The following G6PC1 variants were observed in gnomAD, a reference collection of about 807,000 sequenced individuals.
The protein encoded by G6PC1 is G-6-Pase.
Under a neutral mutation model 30.4 loss-of-function variants are expected in G6PC1, and 23 were observed. The observed-to-expected ratio is 0.76, with a 90% CI of 0.55 to 1.07. G6PC1 has a LOEUF of 1.07. Ranked by LOEUF, G6PC1 falls within the 50% of genes least tolerant of loss-of-function variation. The pLI, the probability that G6PC1 is intolerant of heterozygous loss-of-function variation, is 0.00. For missense variants in G6PC1, 391 were observed against 433.9 expected (o/e 0.90, Z 0.88); for synonymous variants, 163 against 175.6 (o/e 0.93, Z 0.57).
chr17:42,908,554 G>A (rs2056075996), intron 3 of G6PC1, among the ~76,000 whole-genome samples: 1 of 151,476 alleles, frequency 6.6e-6, no homozygotes, highest in South Asian at 2.1e-4. Flanking sequence ...CTACAGGCAC[G>A]TGCCACCACA....
At chr17:42,907,470 C>A in intron 2 of G6PC1, 53 bp from the exon 3 acceptor site, 2 of 1,266,648 alleles carry the variant, frequency 1.6e-6, no homozygotes, top group South Asian at 2.4e-5. Context: ...GATGCACTGT[C>A]TCCCAGATGA....
At position 42,911,240 on chromosome 17, in the gene G6PC1, C is replaced by G. The variant is rs1266860369; in HGVS notation, c.888C>G (p.Leu296=). ...TCAGCAAGTGGCTCCCATTCCGCCT[C>G]AGCTCTATTGTAGCCTCCCTCGTCC... is the stretch of plus-strand genomic sequence containing the variant. ...GKLSKWLPFR[L]SSIVASLVLL... is the part of the protein sequence containing the mutation. Residue 296 remains leucine (L), a synonymous_variant, in exon 5 of 5, where the codon CTC becomes CTG. Coordinates refer to ENST00000253801, the MANE Select transcript of G6PC1 (RefSeq NM_000151.4). The G allele has an allele frequency of 1.2e-6, 2 of 1,614,076 alleles. No homozygotes were observed. Among genetic ancestry groups the G allele is most frequent in the East Asian group, 4.5e-5 (2 of 44,890 alleles).
intron 3 of G6PC1, among the ~76,000 whole-genome samples, chr17:42,908,785 C>T (rs1397303304): frequency 2.0e-5 from 3 of 148,734 alleles, no homozygotes; most frequent in Admixed American, 6.8e-5. Flanking sequence ...CTCACTGTAA[C>T]CTCCACCTCC....
intron 1 of G6PC1, among the ~76,000 whole-genome samples, chr17:42,901,370 A>G (rs1175879587): frequency 6.6e-6 from 1 of 152,188 alleles, no homozygotes; most frequent in East Asian, 1.9e-4. Flanking sequence ...TCTGAGTTAT[A>G]TAGGCTTTGA....
At position 42,907,582 on chromosome 17, in the gene G6PC1, A is replaced by C; in HGVS notation, c.400A>C (p.Thr134Pro). 1 of 1,613,286 alleles carries C rather than the reference A, an allele frequency of 6.2e-7. No homozygotes were observed. Among genetic ancestry groups the C allele is most frequent in the Non-Finnish European group, 8.5e-7 (1 of 1,179,754 alleles). Residue 134 changes from threonine to proline, a missense_variant, in exon 3 of 5, where the codon ACT becomes CCT. Thr to Pro is a conservative substitution (Grantham distance 38, BLOSUM62 -1). Transcript: ENST00000253801. ...AGVYYVMVTS[T>P]LSIFQGKIKP... Reference sequence around the variant, plus strand: ...TGTATACTACGTGATGGTCACATCTACTCTTTCCATCTTTCAGGGAAAGAT... The same window carrying C: ...TGTATACTACGTGATGGTCACATCTCCTCTTTCCATCTTTCAGGGAAAGAT...
Position 42,901,066 on chromosome 17 carries a change from G to A in G6PC1, c.190G>A (p.Val64Ile). The A allele has an allele frequency of 6.2e-7, 1 of 1,614,120 alleles. No homozygotes were observed. The highest frequency in any genetic ancestry group is 8.5e-7 in the Non-Finnish European group (1 of 1,180,020). ...QEAVGIKLLW[V>I]AVIGDWLNLV... ...AGCTGTGGGCATTAAACTCCTTTGG[G>A]TAGCTGTGATTGGAGACTGGCTCAA... The change falls in exon 1 of 5, where the codon GTA (valine) becomes ATA (isoleucine). Residue 64 changes from valine to isoleucine, a missense_variant. Physicochemically the swap from Val to Ile is conservative, Grantham distance 29. Transcript: ENST00000253801.
At chr17:42,901,793 A>G (rs2056028176) in intron 1 of G6PC1, among the ~76,000 whole-genome samples, 1 of 152,148 alleles carries the variant, frequency 6.6e-6, no homozygotes, top group South Asian at 2.1e-4. Context: ...GGTAATGAAA[A>G]GTCACCCTGG....
At chr17:42,910,750 C>G (rs2056089732) in intron 4 of G6PC1, among the ~76,000 whole-genome samples, 165 bp from the exon 5 acceptor site, 1 of 152,106 alleles carries the variant, frequency 6.6e-6, no homozygotes, top group African/African-American at 2.4e-5. Context: ...TGAGGGCAGG[C>G]TGGAGTCACA....
chr17:42,903,786 T>C (rs1158262243), intron 1 of G6PC1, 145 bp from the exon 2 acceptor site: 2 of 695,116 alleles, frequency 2.9e-6, no homozygotes, highest in Admixed American at 2.0e-5. Flanking sequence ...AATATCTCCC[T>C]CTCACACTTC....
At position 42,906,701 on chromosome 17, in the gene G6PC1, CA is replaced by C. The variant is rs1397023732; in HGVS notation, c.341-819del. ...CAAAACCAGCCTGGGCAAAAACAAT[CA>C]AACAAACAAACAAAACACATTTAAA... On this transcript the variant is annotated intron_variant, in intron 2 of 4. Coordinates refer to ENST00000253801, the MANE Select transcript of G6PC1 (RefSeq NM_000151.4). Among the ~76,000 whole-genome samples, 5 of 151,908 alleles carry C rather than the reference CA, an allele frequency of 3.3e-5. No homozygotes were observed. In the East Asian group the frequency reaches 9.7e-4, roughly 29 times the overall value.
rs529607661 is a variant in G6PC1 at position 42,907,469 on chromosome 17, T to C, written c.341-54T>C. On this transcript the variant is annotated intron_variant, in intron 2 of 4. Transcript: ENST00000253801. Reference sequence around the variant, plus strand: ...GGGTGGCTGGGTAGATGATGCACTGTCTCCCAGATGAGGACCTTTTCACCT... The same window carrying C: ...GGGTGGCTGGGTAGATGATGCACTGCCTCCCAGATGAGGACCTTTTCACCT... The C allele has an allele frequency of 8.2e-4, 1,018 of 1,246,706 alleles. 12 individuals are homozygous for C. In the African/African-American group the frequency reaches 0.012, roughly 15 times the overall value. The allele number at this position is 1,246,706 out of a possible 1,614,324, so 77.2% of individuals were successfully genotyped here.
Position 42,900,891 on chromosome 17 carries a change from G to A in G6PC1, c.15G>A (p.Met5Ile), listed in dbSNP as rs374766396. MEEGMNVLHDFGIQS... is the reference protein window; with the variant it reads MEEGINVLHDFGIQS... The stretch of plus-strand genomic sequence containing the variant: ...AGGAAATGAGGATGGAGGAAGGAAT[G>A]AATGTTCTCCATGACTTTGGGATCC... Residue 5 changes from methionine (M) to isoleucine (I), a missense_variant, in exon 1 of 5, where the codon ATG becomes ATA. Transcript: ENST00000253801. 8.7e-6 allele frequency: 14 copies of A among 1,613,848 alleles called. No individual in the cohort carries two copies. In the African/African-American group the frequency reaches 1.9e-4, roughly 22 times the overall value.
At chr17:42,904,566 C>T (rs2056047044) in intron 2 of G6PC1, among the ~76,000 whole-genome samples, 1 of 152,198 alleles carries the variant, frequency 6.6e-6, no homozygotes, top group Non-Finnish European at 1.5e-5. Flanking sequence ...ACTAGTATCC[C>T]TTCCTCAGAG....
Position 42,907,595 on chromosome 17 carries a change from T to G in G6PC1, c.413T>G (p.Phe138Cys). ...YVMVTSTLSIFQGKIKPTYRF... is the reference protein window; with the variant it reads ...YVMVTSTLSICQGKIKPTYRF... ...ATGGTCACATCTACTCTTTCCATCT[T>G]TCAGGGAAAGATAAAGCCGACCTAC... The change falls in exon 3 of 5, where the codon TTT (phenylalanine) becomes TGT (cysteine). Residue 138 changes from phenylalanine to cysteine, a missense_variant. Physicochemically the swap from Phe to Cys is radical, Grantham distance 205 (BLOSUM62 -2). Transcript: ENST00000253801. 2 of 1,613,928 alleles carry G rather than the reference T, an allele frequency of 1.2e-6. No homozygotes were observed. Among genetic ancestry groups the G allele is most frequent in the Non-Finnish European group, 1.7e-6 (2 of 1,179,906 alleles).
Position 42,911,247 on chromosome 17 carries a change from A to C in G6PC1, c.895A>C (p.Ile299Leu). The C allele has an allele frequency of 1.9e-6, 3 of 1,614,150 alleles. No homozygotes were observed. The highest frequency in any genetic ancestry group is 2.5e-6 in the Non-Finnish European group (3 of 1,180,030). The change falls in exon 5 of 5, where the codon ATT becomes CTT. Residue 299 changes from isoleucine to leucine, a missense_variant. By Grantham distance (5) the Ile-to-Leu change is conservative. Transcript: ENST00000253801. ...GTGGCTCCCATTCCGCCTCAGCTCT[A>C]TTGTAGCCTCCCTCGTCCTCCTGCA... ...SKWLPFRLSS[I>L]VASLVLLHVF...
At chr17:42,905,451 C>CACACACAG (rs1166517052) in intron 2 of G6PC1, among the ~76,000 whole-genome samples, 1 of 130,968 alleles carries the variant, frequency 7.6e-6, no homozygotes, top group African/African-American at 3.1e-5. Flanking sequence ...TATACACACA[C>CACACACAG]ACACACACAC....
chr17:42,908,007 G>A (rs147268632), intron 3 of G6PC1, among the ~76,000 whole-genome samples: 23 of 152,244 alleles, frequency 1.5e-4, no homozygotes, highest in Admixed American at 4.6e-4. Flanking sequence ...AGAGAATTCC[G>A]GGTGTGCAGC....
Position 42,913,212 on chromosome 17 carries a change from A to C in G6PC1, c.*1786A>C, listed in dbSNP as rs1393986100. ...TTATTTGAAAGTCCTTGTTTTTGCT[A>C]CTAATTATATAGTATACCATACATT... is the stretch of plus-strand genomic sequence containing the variant. On this transcript the variant is annotated 3_prime_UTR_variant, in exon 5 of 5. Transcript: ENST00000253801. 6.6e-6 allele frequency: 1 copy of C among 152,168 alleles called. No individual in the cohort carries two copies. The highest frequency in any genetic ancestry group is 1.5e-5 in the Non-Finnish European group (1 of 68,034). The allele number at this position is 152,168 out of a possible 1,614,324, so 9.4% of individuals were successfully genotyped here. A position where few individuals can be genotyped will look rare whatever the true frequency, so the allele number is the denominator to read the frequency against.
At position 42,911,647 on chromosome 17, in the gene G6PC1, A is replaced by C; in HGVS notation, c.*221A>C. 1.6e-6 allele frequency: 1 copy of C among 630,428 alleles called. No homozygotes were observed. The highest frequency in any genetic ancestry group is 2.8e-6 in the Non-Finnish European group (1 of 361,472). 39.1% of individuals were successfully genotyped at this position (630,428 alleles called of 1,614,324 possible). On this transcript the variant is annotated 3_prime_UTR_variant, in exon 5 of 5. Transcript: ENST00000253801. ...ACAGACTCTTTCAGATGGAGGTGCC[A>C]TATCACGTACACCATATGCAAGTTT... is the stretch of plus-strand genomic sequence containing the variant.
Sources: allele counts gnomAD v4.1 joint callset (sites outside exome capture counted in the v4.1 genomes callset), GRCh38; gene constraint gnomAD v4.1.1; transcripts MANE v1.5; gene names NCBI Gene and HGNC (gene_info 2026-07-23, HGNC 2026-07-21).